The following VPS50 variants were observed in gnomAD, a reference collection of about 807,000 sequenced individuals.
The protein encoded by VPS50 is VPS50 subunit of EARP/GARPII complex, also known as syndetin.
In VPS50, 70 loss-of-function variants were observed where a neutral mutation model predicts 139.7. That is an observed-to-expected ratio of 0.50 (90% CI 0.41 to 0.61). VPS50 has a LOEUF of 0.61. VPS50 is among the 20% of genes least tolerant of loss of function. The pLI, the probability that VPS50 is intolerant of heterozygous loss-of-function variation, is 0.00. For missense variants in VPS50, 921 were observed against 1,133.7 expected, an observed-to-expected ratio of 0.81 and a Z score of 2.69; for synonymous variants, 365 against 376.7, an observed-to-expected ratio of 0.97 and a Z score of 0.36.
intron 17 of VPS50, 30 bp from the exon 18 acceptor site, chr7:93,305,798 A>C: frequency 6.3e-7 from 1 of 1,577,374 alleles, no homozygotes. Context: ...TTGTTGCTAA[A>C]GGGTATCTGG....
At chr7:93,351,537 G>GCAGAT (rs1436570447) in intron 25 of VPS50, among the ~76,000 whole-genome samples, 1 of 152,102 alleles carries the variant, frequency 6.6e-6, no homozygotes, top group Non-Finnish European at 1.5e-5. Flanking sequence ...CAAGGCTCAG[G>GCAGAT]CAGATTTGGT....
intron 12 of VPS50, among the ~76,000 whole-genome samples, chr7:93,283,848 A>G (rs934771084): frequency 6.6e-6 from 1 of 152,196 alleles, no homozygotes; most frequent in Admixed American, 6.5e-5. Context: ...TGAAAGGAAT[A>G]GTAGATTGTC....
chr7:93,345,358 G>A (rs1584491502), intron 23 of VPS50, among the ~76,000 whole-genome samples: 1 of 152,218 alleles, frequency 6.6e-6, no homozygotes, highest in Non-Finnish European at 1.5e-5. Context: ...ACGAAAAAGA[G>A]TCCAGGACCA....
chr7:93,313,236 G>T (rs1307651458), intron 20 of VPS50, among the ~76,000 whole-genome samples: 2 of 152,154 alleles, frequency 1.3e-5, no homozygotes, highest in Non-Finnish European at 2.9e-5. Flanking sequence ...AAAGGGAGGG[G>T]AGAAGTATGC....
At chr7:93,264,700 C>T (rs766117922) in intron 9 of VPS50, among the ~76,000 whole-genome samples, 1 of 152,170 alleles carries the variant, frequency 6.6e-6, no homozygotes, top group Non-Finnish European at 1.5e-5. Context: ...ATGAACACAG[C>T]TGACAAATAT....
intron 21 of VPS50, among the ~76,000 whole-genome samples, chr7:93,328,198 A>AAATT (rs1349270935): frequency 6.6e-6 from 1 of 152,106 alleles, no homozygotes; most frequent in African/African-American, 2.4e-5. Context: ...TTCACCTCTT[A>AAATT]AATTATGTTT....
intron 21 of VPS50, among the ~76,000 whole-genome samples, chr7:93,327,948 ATAAG>A (rs1304063778): frequency 6.6e-6 from 1 of 152,158 alleles, no homozygotes; most frequent in Non-Finnish European, 1.5e-5. Flanking sequence ...TTGTGGAAAA[ATAAG>A]TATCTTTTTC....
In VPS50 at chr7:93,242,716, C is replaced by T. The variant is rs570905681; in HGVS notation, c.102+2782C>T. ...AAACATATGCCTGGTCTTCAGGAAT[C>T]GGCTCCTTTCTTTTCATAGTATCTT... On this transcript the variant is annotated intron_variant, in intron 2 of 27. Transcript: ENST00000305866. Among the ~76,000 whole-genome samples, 18 of 152,028 alleles carry T rather than the reference C, an allele frequency of 1.2e-4. No individual in the cohort carries two copies. In the South Asian group the frequency reaches 2.3e-3, roughly 19 times the overall value.
chr7:93,276,399 A>T, intron 12 of VPS50, 94 bp downstream of exon 12: 1 of 1,372,556 alleles, frequency 7.3e-7, no homozygotes, highest in Non-Finnish European at 9.5e-7. Context: ...TGAAAATGCT[A>T]CTAAAATAAA....
At chr7:93,342,933 C>T (rs1328020832) in intron 23 of VPS50, among the ~76,000 whole-genome samples, 2 of 152,216 alleles carry the variant, frequency 1.3e-5, no homozygotes, top group Non-Finnish European at 2.9e-5. Context: ...CACCTCTCCT[C>T]CTCCAAAGGA....
At chr7:93,335,841 A>G (rs1198923654) in intron 22 of VPS50, among the ~76,000 whole-genome samples, 1 of 152,164 alleles carries the variant, frequency 6.6e-6, no homozygotes, top group African/African-American at 2.4e-5. Flanking sequence ...GCTAGCTACT[A>G]TCTTGTGATC....
intron 1 of VPS50, among the ~76,000 whole-genome samples, chr7:93,236,044 G>T (rs1448479406): frequency 6.6e-6 from 1 of 152,184 alleles, no homozygotes; most frequent in Non-Finnish European, 1.5e-5. Context: ...TTCCTGAATG[G>T]CACCTGGAAT....
chr7:93,345,356 G>T (rs1798360029), intron 23 of VPS50, among the ~76,000 whole-genome samples: 1 of 152,048 alleles, frequency 6.6e-6, no homozygotes. Context: ...CAACGAAAAA[G>T]AGTCCAGGAC....
At chr7:93,317,781 A>G (rs1450497368) in intron 20 of VPS50, among the ~76,000 whole-genome samples, 1 of 152,226 alleles carries the variant, frequency 6.6e-6, no homozygotes, top group African/African-American at 2.4e-5. Flanking sequence ...TCTTGATTAC[A>G]TAACAGATAA....
At chr7:93,346,212 C>T (rs1798388806) in intron 23 of VPS50, among the ~76,000 whole-genome samples, 1 of 152,120 alleles carries the variant, frequency 6.6e-6, no homozygotes, top group Non-Finnish European at 1.5e-5. Flanking sequence ...CATGAGTGAA[C>T]TCCCATTCAC....
Position 93,323,657 on chromosome 7 carries a change from T to C in VPS50, c.1902T>C (p.Asp634=), listed in dbSNP as rs2117021887. The change falls in exon 21 of 28, where the codon GAT becomes GAC. Residue 634 remains aspartate, a synonymous_variant. Transcript: ENST00000305866. ...ACATTCTTAAGCCAATTGCCTTTGATGTTATTCATTTCATGTCTCAACTAT... is the reference window on the plus strand; with the variant it reads ...ACATTCTTAAGCCAATTGCCTTTGACGTTATTCATTTCATGTCTCAACTAT... ...MMNILKPIAF[D]VIHFMSQLFD... 7.3e-7 allele frequency: 1 copy of C among 1,368,504 alleles called. No individual in the cohort carries two copies. The highest frequency in any genetic ancestry group is 9.9e-7 in the Non-Finnish European group (1 of 1,013,864). The allele number at this position is 1,368,504 out of a possible 1,614,324, so 84.8% of individuals were successfully genotyped here. A position where few individuals can be genotyped will look rare whatever the true frequency, so the allele number is the denominator to read the frequency against.
chr7:93,288,260 A>C (rs1414283250), intron 12 of VPS50, among the ~76,000 whole-genome samples: 1 of 152,136 alleles, frequency 6.6e-6, no homozygotes, highest in Non-Finnish European at 1.5e-5. Flanking sequence ...GAAAACATTA[A>C]GACTGGCTCA....
intron 2 of VPS50, among the ~76,000 whole-genome samples, chr7:93,244,946 CA>C (rs1487021585): frequency 1.3e-5 from 2 of 151,848 alleles, no homozygotes; most frequent in African/African-American, 4.8e-5. Flanking sequence ...TCTTTCATAG[CA>C]AATCATATAA....
chr7:93,321,736 A>G (rs1305935704), intron 20 of VPS50, among the ~76,000 whole-genome samples: 1 of 152,244 alleles, frequency 6.6e-6, no homozygotes, highest in Non-Finnish European at 1.5e-5. Flanking sequence ...GATTAGGTAT[A>G]TAAACGATGG....
Sources: allele counts gnomAD v4.1 joint callset (sites outside exome capture counted in the v4.1 genomes callset), GRCh38; gene constraint gnomAD v4.1.1; transcripts MANE v1.5; gene names NCBI Gene and HGNC (gene_info 2026-07-23, HGNC 2026-07-21).